The following HPS5 variants were observed in gnomAD, a reference collection of about 807,000 sequenced individuals.
HPS5 encodes HPS5 biogenesis of lysosomal organelles complex 2 subunit 2.
A neutral mutation model predicts 128.0 loss-of-function variants in HPS5; 83 were observed. That is an observed-to-expected ratio of 0.65 (90% CI 0.54 to 0.78). The LOEUF (loss-of-function observed/expected upper bound fraction) is 0.78, where lower values mean the gene tolerates loss of function less well. Among genes scored for constraint, HPS5 ranks in the 30% least tolerant of loss-of-function variants. The pLI is 0.00. For synonymous variants in HPS5, 475 were observed against 470.2 expected (o/e 1.01, Z -0.13); for missense variants, 1,281 against 1,326.2 (o/e 0.97, Z 0.53).
chr11:18,320,183 AT>A (rs1864155223), intron 1 of HPS5, among the ~76,000 whole-genome samples: 1 of 152,216 alleles, frequency 6.6e-6, no homozygotes, highest in East Asian at 1.9e-4. Flanking sequence ...AAGCTGCTGA[AT>A]GACAGTGTTA....
At chr11:18,299,372 T>C (rs935152913) in intron 9 of HPS5, among the ~76,000 whole-genome samples, 12 of 152,238 alleles carry the variant, frequency 7.9e-5, no homozygotes, top group African/African-American at 2.9e-4. Flanking sequence ...AATATCTGCC[T>C]TCAAGAAAAT....
chr11:18,293,970 A>T (rs1277496230), intron 14 of HPS5, among the ~76,000 whole-genome samples: 2 of 152,208 alleles, frequency 1.3e-5, no homozygotes, highest in Non-Finnish European at 2.9e-5. Context: ...TATTCTGAGG[A>T]TTACAAATCT....
chr11:18,293,766 A>T (rs1347563509), intron 14 of HPS5, among the ~76,000 whole-genome samples: 1 of 152,178 alleles, frequency 6.6e-6, no homozygotes, highest in Non-Finnish European at 1.5e-5. Context: ...GCGGGAGAAT[A>T]CTCTGGATAG....
chr11:18,279,638 C>G lies in HPS5; in HGVS notation c.*244G>C, dbSNP rs928603180. On this transcript the variant is annotated 3_prime_UTR_variant, in exon 23 of 23. Transcript: ENST00000349215. ...TAATTCCAGCAAACAAGGACTGACT[C>G]TTTTCAAAATTCAACTTTGGTTAAG... is the stretch of plus-strand genomic sequence containing the variant. 5.4e-6 allele frequency: 3 copies of G among 553,094 alleles called. No homozygotes were observed. Among genetic ancestry groups the G allele is most frequent in the African/African-American group, 3.8e-5 (2 of 52,822 alleles). 34.3% of individuals were successfully genotyped at this position (553,094 alleles called of 1,614,324 possible).
intron 3 of HPS5, 54 bp from the exon 4 acceptor site, chr11:18,311,505 A>ATTTT: frequency 7.3e-6 from 6 of 816,766 alleles, no homozygotes; most frequent in South Asian, 2.2e-5. Context: ...CATTATTATT[A>ATTTT]TTATTATTTT....
At chr11:18,304,031 CAT>C (rs894409388) in intron 8 of HPS5, among the ~76,000 whole-genome samples, 1 of 151,986 alleles carries the variant, frequency 6.6e-6, no homozygotes, top group Admixed American at 6.6e-5. Context: ...TAGGGTAAGA[CAT>C]GTATAAATAT....
intron 15 of HPS5, among the ~76,000 whole-genome samples, chr11:18,292,485 C>A (rs556076236): frequency 6.6e-6 from 1 of 152,178 alleles, no homozygotes; most frequent in Non-Finnish European, 1.5e-5. Flanking sequence ...TGAGCCACCA[C>A]GCCCAGCCTA....
chr11:18,311,792 T>C (rs539457216), intron 3 of HPS5, 122 bp downstream of exon 3: 24 of 825,168 alleles, frequency 2.9e-5, no homozygotes, highest in Non-Finnish European at 4.2e-5. Flanking sequence ...ATTACAGGCG[T>C]GAGACACCGC....
rs899074500 is a variant in HPS5 at position 18,301,454 on chromosome 11, C to CAAAAA, written c.897-543_897-539dup. On this transcript the variant is annotated intron_variant, in intron 8 of 22. Transcript: ENST00000349215. ...GGTGACAGCCTGGGTGACTCTGTCT[C>CAAAAA]AAAAAAAAAAAAAAAAAAAAAAAGA... Among the ~76,000 whole-genome samples the CAAAAA allele has an allele frequency of 2.5e-3, 132 of 51,884 alleles. 2 individuals carry two copies. The highest frequency in any genetic ancestry group is 4.1e-3 in the African/African-American group (61 of 14,998). The allele number at this position is 51,884 out of a possible 152,430, so 34.0% of individuals were successfully genotyped here.
intron 8 of HPS5, among the ~76,000 whole-genome samples, chr11:18,304,103 G>A (rs1862064363): frequency 6.6e-6 from 1 of 152,042 alleles, no homozygotes. Flanking sequence ...GCTAAAGGAG[G>A]AAGAGTTTTT....
intron 2 of HPS5, among the ~76,000 whole-genome samples, chr11:18,314,136 C>T (rs769232706): frequency 1.3e-5 from 2 of 152,118 alleles, no homozygotes; most frequent in South Asian, 2.1e-4. Context: ...GACTGCCTGA[C>T]GCCAGTTCAA....
intron 6 of HPS5, among the ~76,000 whole-genome samples, chr11:18,307,664 A>G (rs988644834): frequency 6.6e-6 from 1 of 152,000 alleles, no homozygotes; most frequent in Non-Finnish European, 1.5e-5. Flanking sequence ...TTAATCCTTA[A>G]CACTAAATTT....
intron 2 of HPS5, among the ~76,000 whole-genome samples, chr11:18,317,209 G>T (rs1863735675): frequency 6.7e-6 from 1 of 148,850 alleles, no homozygotes; most frequent in Non-Finnish European, 1.5e-5. Context: ...AAAAAAAAGA[G>T]TGATAAGAGA....
intron 15 of HPS5, among the ~76,000 whole-genome samples, chr11:18,292,474 A>G (rs371555675): frequency 5.3e-5 from 8 of 152,134 alleles, no homozygotes; most frequent in African/African-American, 1.7e-4. Flanking sequence ...GATTACAGTC[A>G]TGAGCCACCA....
chr11:18,301,474 A>AAAAAAAAG (rs1554939322), intron 8 of HPS5, among the ~76,000 whole-genome samples: 2 of 150,956 alleles, frequency 1.3e-5, no homozygotes, highest in African/African-American at 4.9e-5. Context: ...AAAAAAAAAA[A>AAAAAAAAG]AAAGAAAGAA....
At chr11:18,286,516 T>C in intron 19 of HPS5, 75 bp downstream of exon 19, 1 of 1,443,606 alleles carries the variant, frequency 6.9e-7, no homozygotes, top group Non-Finnish European at 9.5e-7. Context: ...CATTCCAGCC[T>C]AGGCGACAGA....
At chr11:18,310,191 C>G (rs931974090) in intron 5 of HPS5, among the ~76,000 whole-genome samples, 3 of 152,130 alleles carry the variant, frequency 2.0e-5, no homozygotes, top group Non-Finnish European at 4.4e-5. Flanking sequence ...TTAGGGTAAC[C>G]TGAGTCTCAA....
In HPS5 at chr11:18,300,632, G is replaced by A. The variant is rs3891623; in HGVS notation, c.985+196C>T. On this transcript the variant is annotated intron_variant, in intron 9 of 22. Transcript: ENST00000349215. ...GAATCACTTGAACCCAGGAGGTGGAGGTTTCCGTGAGCCAAGATCGCACCA... is the reference window on the plus strand; with the variant it reads ...GAATCACTTGAACCCAGGAGGTGGAAGTTTCCGTGAGCCAAGATCGCACCA... 6.4e-3 allele frequency among the ~76,000 whole-genome samples: 967 copies of A among 151,240 alleles called. 4 individuals are homozygous for A. The highest frequency in any genetic ancestry group is 0.014 in the Middle Eastern group (4 of 294).
intron 19 of HPS5, among the ~76,000 whole-genome samples, chr11:18,286,024 C>T (rs962093990): frequency 6.6e-6 from 1 of 152,168 alleles, no homozygotes; most frequent in Non-Finnish European, 1.5e-5. Flanking sequence ...AACCTGCAGG[C>T]GGTCAGCTGT....
Sources: gnomAD v4.1 joint callset for allele counts (sites outside exome capture counted in the v4.1 genomes callset) on GRCh38, gnomAD v4.1.1 for gene constraint, MANE v1.5 for transcripts, NCBI Gene and HGNC (gene_info 2026-07-23, HGNC 2026-07-21) for gene names.